WFDC2: variants seen among roughly 807,000 people sequenced by gnomAD.
WFDC2 encodes WAP four-disulfide core domain 2.
Under a neutral mutation model 12.5 loss-of-function variants are expected in WFDC2, and 8 were observed. The observed-to-expected ratio is 0.64, with a 90% CI of 0.37 to 1.15. The LOEUF (loss-of-function observed/expected upper bound fraction) is 1.15. Among genes scored for constraint, WFDC2 ranks in the 50% most tolerant of loss-of-function variants. WFDC2 has a pLI of 0.01. For missense variants in WFDC2, 166 were observed against 159.9 expected (o/e 1.04, Z -0.21); for synonymous variants, 74 against 67.2 (o/e 1.10, Z -0.49).
Position 45,470,042 on chromosome 20 carries a change from T to G in WFDC2, c.79+182T>G, listed in dbSNP as rs1433059301. Among the ~76,000 whole-genome samples, 1 of 152,022 alleles carries G rather than the reference T, an allele frequency of 6.6e-6. No individual in the cohort carries two copies. Among genetic ancestry groups the G allele is most frequent in the Non-Finnish European group, 1.5e-5 (1 of 67,990 alleles). On this transcript the variant is annotated intron_variant, in intron 1 of 3. Transcript: ENST00000372676. This position sits in a 1 kb window ranked among gnomAD's most constrained non-coding sequence, Gnocchi z 5.4. ...GTGCTGGAGGTGGAGAGACCACTGATGGCTGCAATTTGGGAGGATTCTGTG... is the reference window on the plus strand; with the variant it reads ...GTGCTGGAGGTGGAGAGACCACTGAGGGCTGCAATTTGGGAGGATTCTGTG...
chr20:45,477,531 T>C (rs1444806266), intron 2 of WFDC2, among the ~76,000 whole-genome samples: 1 of 152,236 alleles, frequency 6.6e-6, no homozygotes, highest in Admixed American at 6.5e-5. Context: ...TTGCTGCCTG[T>C]TCCTTCCTCT....
chr20:45,469,800 G>C lies in WFDC2; in HGVS notation c.19G>C (p.Gly7Arg). Residue 7 changes from glycine to arginine, a missense_variant, in exon 1 of 4, where the codon GGC (glycine) becomes CGC (arginine). Physicochemically the swap from Gly to Arg is moderately radical, Grantham distance 125. Transcript: ENST00000372676. MPACRLGPLAAALLLSL... is the reference protein window; with the variant it reads MPACRLRPLAAALLLSL... ...TAGCACCATGCCTGCTTGTCGCCTA[G>C]GCCCGCTAGCCGCCGCCCTCCTCCT... 1 of 1,610,120 alleles carries C rather than the reference G, an allele frequency of 6.2e-7. No individual in the cohort carries two copies. The highest frequency in any genetic ancestry group is 8.5e-7 in the Non-Finnish European group (1 of 1,178,598).
chr20:45,471,256 A>G (rs1417861552), intron 2 of WFDC2: 1 of 450,996 alleles, frequency 2.2e-6, no homozygotes, highest in Non-Finnish European at 4.7e-6. Context: ...GGATTGAGTG[A>G]GCGCGAGCTG....
chr20:45,479,555 A>G (rs889513402), intron 2 of WFDC2: 6 of 1,009,586 alleles, frequency 5.9e-6, no homozygotes, highest in Middle Eastern at 2.0e-4. Flanking sequence ...ATAATTTCTC[A>G]TAACTACAGA....
chr20:45,479,759 G>A (rs376692687), intron 2 of WFDC2, 183 bp from the exon 3 acceptor site: 1 of 1,613,982 alleles, frequency 6.2e-7, no homozygotes, highest in Admixed American at 1.7e-5. Flanking sequence ...AGCAGGAGGA[G>A]GGATTTGCAG....
intron 2 of WFDC2, among the ~76,000 whole-genome samples, chr20:45,475,332 T>C (rs985906540): frequency 6.6e-6 from 1 of 152,246 alleles, no homozygotes; most frequent in Admixed American, 6.5e-5. Flanking sequence ...TAAATTTCCT[T>C]CTAAGCACTG....
chr20:45,480,052 A>C lies in WFDC2; in HGVS notation c.334A>C (p.Asn112His), dbSNP rs1228224831. ...TCCTGGCCAGATGAAATGCTGCCGC[A>C]ATGGCTGTGGGAAGGTGTCCTGTGT... is the stretch of plus-strand genomic sequence containing the variant. ...QCPGQMKCCR[N>H]GCGKVSCVTP... Residue 112 changes from asparagine to histidine, a missense_variant, in exon 3 of 4, where the codon AAT becomes CAT. Physicochemically the swap from Asn to His is moderately conservative, Grantham distance 68. Coordinates refer to ENST00000372676, the MANE Select transcript of WFDC2 (RefSeq NM_006103.4). 1.2e-6 allele frequency: 2 copies of C among 1,614,068 alleles called. No individual in the cohort carries two copies. The highest frequency in any genetic ancestry group is 1.7e-6 in the Non-Finnish European group (2 of 1,180,042).
At chr20:45,475,273 G>T (rs774217670) in intron 2 of WFDC2, among the ~76,000 whole-genome samples, 3 of 152,068 alleles carry the variant, frequency 2.0e-5, no homozygotes, top group Non-Finnish European at 4.4e-5. Flanking sequence ...TGATGTTAGG[G>T]TGTCAATTTT....
At position 45,470,569 on chromosome 20, in the gene WFDC2, C is replaced by A. The variant is rs1410448908; in HGVS notation, c.223+37C>A. The A allele has an allele frequency of 6.5e-7, 1 of 1,545,210 alleles. No individual in the cohort carries two copies. The highest frequency in any genetic ancestry group is 2.3e-5 in the East Asian group (1 of 42,594). ...GCGGCCGAGCGGGAACGGGGCGGGGCCGCGCTGGGCTGGGAGGAGGTGGGA... is the reference window on the plus strand; with the variant it reads ...GCGGCCGAGCGGGAACGGGGCGGGGACGCGCTGGGCTGGGAGGAGGTGGGA... On this transcript the variant is annotated intron_variant, in intron 2 of 3. Coordinates refer to ENST00000372676, the MANE Select transcript of WFDC2 (RefSeq NM_006103.4). This position sits in a 1 kb window ranked among gnomAD's most constrained non-coding sequence, Gnocchi z 5.4.
rs774730344 is a variant in WFDC2, at chr20:45,469,867, G to A, written c.79+7G>A. On this transcript the variant is annotated splice_region_variant and intron_variant, in intron 1 of 3. Coordinates refer to ENST00000372676, the MANE Select transcript of WFDC2 (RefSeq NM_006103.4). ...GGCTTCACCCTAGTCTCAGGTGAGT[G>A]GGGCGGGGAGAGGCCCGGCGCCTAG... is the stretch of plus-strand genomic sequence containing the variant. 3.1e-5 allele frequency: 50 copies of A among 1,602,776 alleles called. No homozygotes were observed. Among genetic ancestry groups the A allele is most frequent in the Non-Finnish European group, 3.7e-5 (43 of 1,175,294 alleles).
chr20:45,475,497 A>G (rs1991222390), intron 2 of WFDC2, among the ~76,000 whole-genome samples: 1 of 152,212 alleles, frequency 6.6e-6, no homozygotes, highest in Non-Finnish European at 1.5e-5. Flanking sequence ...GTCTTGAGTG[A>G]GTTTCTTAAT....
intron 2 of WFDC2, among the ~76,000 whole-genome samples, chr20:45,478,115 G>T (rs998567872): frequency 6.6e-6 from 1 of 152,136 alleles, no homozygotes; most frequent in Non-Finnish European, 1.5e-5. Context: ...GGTGGGATCC[G>T]CTGAGCTAGA....
At chr20:45,476,270 C>T (rs981422060) in intron 2 of WFDC2, among the ~76,000 whole-genome samples, 7 of 152,104 alleles carry the variant, frequency 4.6e-5, no homozygotes, top group African/African-American at 1.7e-4. Context: ...TTCATAGTGT[C>T]GATGGTCTTT....
intron 3 of WFDC2, among the ~76,000 whole-genome samples, chr20:45,480,933 C>T (rs1991294428): frequency 1.3e-5 from 2 of 152,330 alleles, no homozygotes; most frequent in South Asian, 4.1e-4. Flanking sequence ...CTAACCTTCT[C>T]ACCTCCCTGA....
chr20:45,474,519 G>A (rs938121648), intron 2 of WFDC2, among the ~76,000 whole-genome samples: 1 of 152,170 alleles, frequency 6.6e-6, no homozygotes, highest in Non-Finnish European at 1.5e-5. Flanking sequence ...GCATCCCAGG[G>A]ACAAAGCCAA....
chr20:45,480,179 G>C lies in WFDC2; in HGVS notation c.*1+85G>C, dbSNP rs1046840954. 3.1e-5 allele frequency: 49 copies of C among 1,570,668 alleles called. 1 individual carries two copies. In the African/African-American group the frequency reaches 6.2e-4, roughly 20 times the overall value. ...AACGTCACCCAGGCGGAGGTGAAGG[G>C]AGGTTAGTTGCAGGGACAGTTGGGA... On this transcript the variant is annotated intron_variant, in intron 3 of 3. Coordinates refer to ENST00000372676, the MANE Select transcript of WFDC2 (RefSeq NM_006103.4).
chr20:45,470,112 C>G lies in WFDC2; in HGVS notation c.79+252C>G, dbSNP rs1196024084. ...GGCTGCAGTGGGCTGGGGGTGGGGG[C>G]TGCTCTGCCTCGACCTCGGAAGCTC... On this transcript the variant is annotated intron_variant, in intron 1 of 3. Transcript: ENST00000372676. The surrounding 1 kb of genome is among the most constrained non-coding windows in gnomAD (Gnocchi z 5.4). Among the ~76,000 whole-genome samples the G allele has an allele frequency of 6.6e-6, 1 of 152,102 alleles. No homozygotes were observed. The highest frequency in any genetic ancestry group is 1.5e-5 in the Non-Finnish European group (1 of 68,004).
At chr20:45,477,202 T>A (rs1568971099) in intron 2 of WFDC2, among the ~76,000 whole-genome samples, 1 of 152,178 alleles carries the variant, frequency 6.6e-6, no homozygotes, top group Non-Finnish European at 1.5e-5. Flanking sequence ...TCATTCTCCG[T>A]CCAGTTTTGT....
chr20:45,472,040 A>G (rs914881369), intron 2 of WFDC2, among the ~76,000 whole-genome samples: 2 of 152,212 alleles, frequency 1.3e-5, no homozygotes, highest in Non-Finnish European at 2.9e-5. Context: ...AGGGCAGCCC[A>G]ATATTACAGG....
Sources: allele counts gnomAD v4.1 joint callset (sites outside exome capture counted in the v4.1 genomes callset), GRCh38; gene constraint gnomAD v4.1.1; non-coding constraint Gnocchi (gnomAD v3.1); transcripts MANE v1.5; gene names NCBI Gene and HGNC (gene_info 2026-07-23, HGNC 2026-07-21).